GLI2: variants seen among roughly 807,000 people sequenced by gnomAD.
The protein encoded by GLI2 is transcription activator GLI2.
A neutral mutation model predicts 78.9 loss-of-function variants in GLI2; 22 were observed. The observed-to-expected ratio is 0.28, with a 90% confidence interval of 0.20 to 0.40. The LOEUF (loss-of-function observed/expected upper bound fraction) is 0.40. Among genes scored for constraint, GLI2 ranks in the 10% least tolerant of loss-of-function variants. The probability of loss-of-function intolerance (pLI) is 1.00; values close to 1 mark genes in which losing one functional copy is unlikely to be tolerated. For missense variants in GLI2, 2,097 were observed against 2,213.2 expected (o/e 0.95, Z 1.05); for synonymous variants, 974 against 963.7 (o/e 1.01, Z -0.20).
intron 5 of GLI2, among the ~76,000 whole-genome samples, chr2:120,961,131 G>A (rs1009024084): frequency 1.3e-5 from 2 of 152,166 alleles, no homozygotes; most frequent in South Asian, 2.1e-4. Context: ...AGATTGAGAT[G>A]TTTCCGACTG....
chr2:120,935,777 C>T (rs1223239480), intron 3 of GLI2, among the ~76,000 whole-genome samples: 2 of 152,184 alleles, frequency 1.3e-5, no homozygotes, highest in Non-Finnish European at 2.9e-5. Flanking sequence ...AGAATGCACT[C>T]GCTGGGCTGC....
At chr2:120,792,339 A>T (rs1388145126) in intron 1 of GLI2, 1 of 152,246 alleles carries the variant, frequency 6.6e-6, no homozygotes, top group Non-Finnish European at 1.5e-5. Flanking sequence ...AAGACACAGG[A>T]CTGTGAAAGA....
intron 2 of GLI2, among the ~76,000 whole-genome samples, chr2:120,920,668 C>A (rs569853227): frequency 6.6e-6 from 1 of 152,222 alleles, no homozygotes; most frequent in South Asian, 2.1e-4. Context: ...CCACCCTCAG[C>A]TTCTCAGGCT....
chr2:120,744,042 G>C (rs1435465482), intron 1 of GLI2, among the ~76,000 whole-genome samples: 1 of 152,200 alleles, frequency 6.6e-6, no homozygotes, highest in Non-Finnish European at 1.5e-5. Flanking sequence ...AGTGGCCTTG[G>C]GGACATTGGT....
rs768947767 is a variant in GLI2, at chr2:120,837,393, C to CAAAA, written c.148+39943_148+39946dup. On this transcript the variant is annotated intron_variant, in intron 2 of 13. Transcript: ENST00000361492. ...TGGGCAACAGAGCGAGACTCCATCT[C>CAAAA]AAAAAAAAAAAAAAAAAAAAAGTCT... 3.6e-3 allele frequency among the ~76,000 whole-genome samples: 279 copies of CAAAA among 76,970 alleles called. 2 individuals are homozygous for CAAAA. Among genetic ancestry groups the CAAAA allele is most frequent in the African/African-American group, 0.012 (252 of 21,308 alleles). 50.5% of individuals were successfully genotyped at this position (76,970 alleles called of 152,430 possible).
intron 2 of GLI2, among the ~76,000 whole-genome samples, chr2:120,804,585 T>TG (rs3053835): frequency 6.6e-6 from 1 of 151,834 alleles, no homozygotes; most frequent in African/African-American, 2.4e-5. Flanking sequence ...GCCTTGGACC[T>TG]GATGCACCCA....
intron 2 of GLI2, among the ~76,000 whole-genome samples, chr2:120,883,715 G>A (rs1677263241): frequency 6.6e-6 from 1 of 152,192 alleles, no homozygotes; most frequent in African/African-American, 2.4e-5. Flanking sequence ...GCTCAGATCT[G>A]AACCCACTTC....
At chr2:120,772,597 G>C (rs774469107) in intron 1 of GLI2, among the ~76,000 whole-genome samples, 1 of 152,268 alleles carries the variant, frequency 6.6e-6, no homozygotes, top group Non-Finnish European at 1.5e-5. Flanking sequence ...CATAGGCCCA[G>C]AGGTTCCCAG....
chr2:120,888,313 G>A (rs747198409), intron 2 of GLI2, among the ~76,000 whole-genome samples: 2 of 152,194 alleles, frequency 1.3e-5, no homozygotes, highest in East Asian at 1.9e-4. Context: ...AGGTGTTTTT[G>A]TTTTATTTTT....
intron 2 of GLI2, among the ~76,000 whole-genome samples, chr2:120,802,156 G>GCCTGACTTCC (rs1684736381): frequency 6.6e-6 from 1 of 152,162 alleles, no homozygotes; most frequent in African/African-American, 2.4e-5. Flanking sequence ...GGCCTCTGTT[G>GCCTGACTTCC]CCTGACTTCC....
At chr2:120,876,750 C>A (rs1356783791) in intron 2 of GLI2, among the ~76,000 whole-genome samples, 2 of 152,168 alleles carry the variant, frequency 1.3e-5, no homozygotes, top group East Asian at 1.9e-4. Context: ...CAAGGTTCTG[C>A]TGGCTCTGCT....
At chr2:120,826,417 C>T (rs1686062455) in intron 2 of GLI2, among the ~76,000 whole-genome samples, 1 of 152,152 alleles carries the variant, frequency 6.6e-6, no homozygotes, top group African/African-American at 2.4e-5. Flanking sequence ...AGGCCCAGAA[C>T]CCAGCCAGCC....
intron 2 of GLI2, among the ~76,000 whole-genome samples, chr2:120,903,691 C>A (rs141955011): frequency 6.6e-6 from 1 of 152,134 alleles, no homozygotes; most frequent in East Asian, 1.9e-4. Context: ...GAGTCTCTGT[C>A]CACTTGAGAT....
intron 2 of GLI2, among the ~76,000 whole-genome samples, chr2:120,853,023 C>A (rs1687483033): frequency 1.3e-5 from 2 of 152,190 alleles, no homozygotes; most frequent in African/African-American, 4.8e-5. Flanking sequence ...TCGAAAATCC[C>A]AAATCCCCTA....
In GLI2 at chr2:120,938,622, G is replaced by C. The variant is rs553230474; in HGVS notation, c.254+11156G>C. Among the ~76,000 whole-genome samples, 5 of 152,366 alleles carry C rather than the reference G, an allele frequency of 3.3e-5. No individual in the cohort carries two copies. In the South Asian group the frequency reaches 1.0e-3, roughly 32 times the overall value. ...CATAGGGAGTGACAGCTGAAAGCTGGCCAGGTCTGGTGTGGTGTCCGGGTC... is the reference window on the plus strand; with the variant it reads ...CATAGGGAGTGACAGCTGAAAGCTGCCCAGGTCTGGTGTGGTGTCCGGGTC... On this transcript the variant is annotated intron_variant, in intron 3 of 13. Transcript: ENST00000361492.
intron 5 of GLI2, among the ~76,000 whole-genome samples, chr2:120,966,544 T>C (rs1573693564): frequency 6.6e-6 from 1 of 152,218 alleles, no homozygotes; most frequent in Non-Finnish European, 1.5e-5. Context: ...GAAGCCCCTT[T>C]CGGCCCAATG....
At chr2:120,987,245 G>T (rs1683022958) in intron 13 of GLI2, among the ~76,000 whole-genome samples, 1 of 152,218 alleles carries the variant, frequency 6.6e-6, no homozygotes, top group Non-Finnish European at 1.5e-5. Context: ...GTGCCGGGCT[G>T]CCCACTGTGG....
intron 3 of GLI2, among the ~76,000 whole-genome samples, chr2:120,950,715 C>T (rs763710629): frequency 4.6e-5 from 7 of 152,260 alleles, no homozygotes; most frequent in Non-Finnish European, 1.0e-4. Context: ...GAGCTGGTCA[C>T]ACCAGCAACC....
chr2:120,948,509 C>T (rs929924191), intron 3 of GLI2, among the ~76,000 whole-genome samples: 9 of 152,148 alleles, frequency 5.9e-5, no homozygotes, highest in African/African-American at 1.9e-4. Context: ...CATGTGTGAC[C>T]CAGGCCCCAC....
Sources: allele counts gnomAD v4.1 joint callset (sites outside exome capture counted in the v4.1 genomes callset), GRCh38; gene constraint gnomAD v4.1.1; transcripts MANE v1.5; gene names NCBI Gene and HGNC (gene_info 2026-07-23, HGNC 2026-07-21).